LRP5: variants seen among roughly 807,000 people sequenced by gnomAD.
LRP5 encodes the protein low-density lipoprotein receptor-related protein 5.
LRP5 carries 62 observed loss-of-function variants against 154.1 expected under a neutral mutation model. The ratio of observed to expected loss-of-function variants is 0.40; its 90% CI spans 0.33 to 0.50. LRP5 has a LOEUF of 0.50. Ranked by LOEUF, LRP5 falls within the 20% of genes least tolerant of loss-of-function variation. The probability of loss-of-function intolerance (pLI) is 0.55; values close to 1 mark genes in which losing one functional copy is unlikely to be tolerated. For synonymous variants in LRP5, 966 were observed against 1,011.5 expected (o/e 0.96, Z 0.85); for missense variants, 1,915 against 2,336.7 (o/e 0.82, Z 3.72).
intron 19 of LRP5, 102 bp from the exon 20 acceptor site, chr11:68,438,344 G>A: frequency 3.5e-6 from 4 of 1,144,906 alleles, no homozygotes; most frequent in Non-Finnish European, 5.3e-6. Flanking sequence ...CCCTCCACCA[G>A]TGGCAAAGCC....
In LRP5 at chr11:68,313,680, A is replaced by G. The variant is rs139809754; in HGVS notation, c.91+875A>G. On this transcript the variant is annotated intron_variant, in intron 1 of 22. Coordinates refer to ENST00000294304, the MANE Select transcript of LRP5 (RefSeq NM_002335.4). ...AAGCAAGCCTCTTGCTACCTAAATCATTCTCTTCGGATGTGCGTGTTTTGT... is the reference window on the plus strand; with the variant it reads ...AAGCAAGCCTCTTGCTACCTAAATCGTTCTCTTCGGATGTGCGTGTTTTGT... Among the ~76,000 whole-genome samples the G allele has an allele frequency of 1.9e-4, 29 of 152,354 alleles. No individual in the cohort carries two copies. In the East Asian group the frequency reaches 5.2e-3, roughly 27 times the overall value.
At chr11:68,443,542 G>T (rs1451525376) in intron 21 of LRP5, among the ~76,000 whole-genome samples, 1 of 33,320 alleles carries the variant, frequency 3.0e-5, no homozygotes, top group Non-Finnish European at 6.0e-5. Flanking sequence ...CCTCTTTTAT[G>T]GCATATATAT....
At position 68,357,688 on chromosome 11, in the gene LRP5, T is replaced by C. The variant is rs1393486822; in HGVS notation, c.527T>C (p.Ile176Thr). Residue 176 changes from isoleucine to threonine, a missense_variant, in exon 3 of 23, where the codon ATT becomes ACT. Physicochemically the swap from Ile to Thr is moderately conservative, Grantham distance 89. Around this residue, in one of 3 missense-constraint regions of LRP5, gnomAD observed 773 missense variants for 1,100.9 expected, o/e 0.70. Coordinates refer to ENST00000294304, the MANE Select transcript of LRP5 (RefSeq NM_002335.4). ...YWTDWGETPR[I>T]ERAGMDGSTR... ...ACAGACTGGGGTGAGACGCCCCGGA[T>C]TGAGCGGGCAGGGATGGATGGCAGC... 1.2e-6 allele frequency: 2 copies of C among 1,614,120 alleles called. No homozygotes were observed. Among genetic ancestry groups the C allele is most frequent in the Non-Finnish European group, 8.5e-7 (1 of 1,180,006 alleles).
chr11:68,357,570 G>T, intron 2 of LRP5, 80 bp from the exon 3 acceptor site: 5 of 1,323,306 alleles, frequency 3.8e-6, no homozygotes, highest in Non-Finnish European at 5.4e-6. Context: ...ACTGTCTGTT[G>T]TTTCATGTCT....
chr11:68,310,988 C>A (rs973826736), upstream of LRP5, among the ~76,000 whole-genome samples: 1 of 151,986 alleles, frequency 6.6e-6, no homozygotes, highest in African/African-American at 2.4e-5. Context: ...GCAGCCCTCA[C>A]GAGCCCTGGA....
intron 17 of LRP5, 39 bp downstream of exon 17, chr11:68,429,739 G>A (rs368950497): frequency 1.1e-5 from 17 of 1,613,234 alleles, no homozygotes; most frequent in African/African-American, 1.3e-5. Flanking sequence ...GTGATGGACA[G>A]GTACCTGATT....
intron 7 of LRP5, among the ~76,000 whole-genome samples, chr11:68,403,160 G>T (rs1327713264): frequency 6.6e-6 from 1 of 152,270 alleles, no homozygotes. Context: ...CAGGAGAATC[G>T]CTTGAACCTG....
chr11:68,417,015 G>T (rs1021059345), intron 13 of LRP5, among the ~76,000 whole-genome samples: 7 of 152,222 alleles, frequency 4.6e-5, no homozygotes, highest in Non-Finnish European at 8.8e-5. Context: ...TGTAAGAAAA[G>T]AGAGGAACCT....
At chr11:68,385,366 G>A (rs988416706) in intron 5 of LRP5, among the ~76,000 whole-genome samples, 2 of 152,186 alleles carry the variant, frequency 1.3e-5, no homozygotes, top group Non-Finnish European at 2.9e-5. Context: ...TGGGTGCTTC[G>A]TGGCGTGGTT....
chr11:68,346,935 T>G (rs940127881), intron 1 of LRP5, among the ~76,000 whole-genome samples: 1 of 152,252 alleles, frequency 6.6e-6, no homozygotes, highest in African/African-American at 2.4e-5. Flanking sequence ...AGGCCTCTCC[T>G]GATTTCTCAT....
In LRP5 at chr11:68,449,013, G is replaced by A; in HGVS notation, c.4791G>A (p.Glu1597=). The A allele has an allele frequency of 6.3e-7, 1 of 1,598,680 alleles. No individual in the cohort carries two copies. The highest frequency in any genetic ancestry group is 2.2e-5 in the East Asian group (1 of 44,838). ...EDSCPPSPAT[E]RSYFHLFPPP... ...GCTGCCCGCCCTCGCCCGCCACCGA[G>A]AGGAGCTACTTCCATCTCTTCCCGC... Residue 1597 remains glutamate, a synonymous_variant, in exon 23 of 23, where the codon GAG becomes GAA. Coordinates refer to ENST00000294304, the MANE Select transcript of LRP5 (RefSeq NM_002335.4).
At chr11:68,406,980 T>G (rs1280848952) in intron 9 of LRP5, among the ~76,000 whole-genome samples, 167 bp downstream of exon 9, 1 of 151,940 alleles carries the variant, frequency 6.6e-6, no homozygotes, top group Non-Finnish European at 1.5e-5. Flanking sequence ...AAAAGATGAT[T>G]ATAATGAGCA....
At chr11:68,334,738 G>A (rs1304849255) in intron 1 of LRP5, among the ~76,000 whole-genome samples, 1 of 152,050 alleles carries the variant, frequency 6.6e-6, no homozygotes, top group Admixed American at 6.6e-5. Context: ...AGCCGGTTGT[G>A]GGGGCACACC....
intron 1 of LRP5, among the ~76,000 whole-genome samples, chr11:68,335,323 C>T (rs563943083): frequency 6.6e-6 from 1 of 152,122 alleles, no homozygotes; most frequent in East Asian, 2.0e-4. Context: ...AACCTCCCAC[C>T]TTGGCCTCCC....
chr11:68,356,975 G>A (rs546432593), intron 2 of LRP5, among the ~76,000 whole-genome samples: 5 of 147,782 alleles, frequency 3.4e-5, no homozygotes, highest in South Asian at 4.3e-4. Context: ...TCGCTCTGTC[G>A]CCCAGGATGG....
chr11:68,303,966 C>G, the LRP5 span, among the ~76,000 whole-genome samples: 1 of 152,160 alleles, frequency 6.6e-6, no homozygotes, highest in Non-Finnish European at 1.5e-5. Flanking sequence ...AAAGAAAAAG[C>G]TTTTTCAGGA....
intron 1 of LRP5, among the ~76,000 whole-genome samples, chr11:68,313,829 G>A (rs1189384294): frequency 6.6e-6 from 1 of 152,226 alleles, no homozygotes; most frequent in Non-Finnish European, 1.5e-5. Flanking sequence ...CCTCCTTAAG[G>A]CAAACAGCTG....
At chr11:68,395,232 C>T (rs549240624) in intron 7 of LRP5, among the ~76,000 whole-genome samples, 28 of 143,262 alleles carry the variant, frequency 2.0e-4, no homozygotes, top group Middle Eastern at 3.8e-3. Context: ...ACCTGGGAGG[C>T]GGAGGTTGCA....
chr11:68,376,051 G>A (rs562156339), intron 5 of LRP5, among the ~76,000 whole-genome samples: 3 of 152,322 alleles, frequency 2.0e-5, no homozygotes, highest in African/African-American at 4.8e-5. Flanking sequence ...CCACTGAGGC[G>A]GGGTGGGTGA....
Sources: gnomAD v4.1 joint callset for allele counts (sites outside exome capture counted in the v4.1 genomes callset) on GRCh38, gnomAD v4.1.1 for gene constraint, gnomAD v4.1.1 regional missense constraint, MANE v1.5 for transcripts, NCBI Gene and HGNC (gene_info 2026-07-23, HGNC 2026-07-21) for gene names.